Variants in ZNF608 observed in about 807,000 individuals in gnomAD.
The protein encoded by ZNF608 is renal carcinoma antigen NY-REN-36.
In ZNF608, 12 loss-of-function variants were observed where a neutral mutation model predicts 109.0. That is an observed-to-expected ratio of 0.11 (90% CI 0.07 to 0.18). The LOEUF (loss-of-function observed/expected upper bound fraction) is 0.18, where lower values mean the gene tolerates loss of function less well. Among genes scored for constraint, ZNF608 ranks in the 10% least tolerant of loss-of-function variants. The pLI, the probability that ZNF608 is intolerant of heterozygous loss-of-function variation, is 1.00. For missense variants in ZNF608, 1,707 were observed against 1,879.3 expected (o/e 0.91, Z 1.70); for synonymous variants, 732 against 717.4 (o/e 1.02, Z -0.33).
At chr5:124,691,871 G>A (rs1252079996) in intron 3 of ZNF608, among the ~76,000 whole-genome samples, 1 of 151,946 alleles carries the variant, frequency 6.6e-6, no homozygotes, top group African/African-American at 2.4e-5. Context: ...AGATAACTAA[G>A]TTCTAGAGAT....
chr5:124,677,879 G>A (rs557404451), intron 3 of ZNF608, among the ~76,000 whole-genome samples: 4 of 152,204 alleles, frequency 2.6e-5, no homozygotes, highest in Admixed American at 6.5e-5. Context: ...AGAAGGCCCC[G>A]AGCCAGAAAC....
At chr5:124,642,560 G>C (rs1430826448) in intron 7 of ZNF608, among the ~76,000 whole-genome samples, 1 of 152,122 alleles carries the variant, frequency 6.6e-6, no homozygotes, top group African/African-American at 2.4e-5. Flanking sequence ...TAACAACAAA[G>C]ATAAGTGATG....
At position 124,647,616 on chromosome 5, in the gene ZNF608, G is replaced by A; in HGVS notation, c.2768C>T (p.Thr923Ile). 6.2e-7 allele frequency: 1 copy of A among 1,614,194 alleles called. No individual in the cohort carries two copies. The highest frequency in any genetic ancestry group is 8.5e-7 in the Non-Finnish European group (1 of 1,180,034). The stretch of plus-strand genomic sequence containing the variant: ...AGCTGAACTCTCTGCCCCATTCTGG[G>A]TCAACACATGCAGAGGTGCCATTGG... ...QAPMAPLHVL[T>I]QNGAESSAAK... Residue 923 changes from threonine (T) to isoleucine (I), a missense_variant, in exon 5 of 10, where the codon ACC becomes ATC. Physicochemically the swap from Thr to Ile is moderately conservative, Grantham distance 89. This residue lies in a region of ZNF608 where 1,073 missense variants were observed against 1,133.5 expected (regional missense o/e 0.95). Coordinates refer to ENST00000513986, the MANE Select transcript of ZNF608 (RefSeq NM_020747.3).
At chr5:124,713,009 C>T (rs573081364) in intron 2 of ZNF608, among the ~76,000 whole-genome samples, 2 of 152,238 alleles carry the variant, frequency 1.3e-5, no homozygotes, top group Admixed American at 1.3e-4. Context: ...AGCTAAATAA[C>T]AAAAGTAATG....
upstream of ZNF608, chr5:124,746,873 G>C: frequency 1.3e-6 from 1 of 752,702 alleles, no homozygotes; most frequent in Non-Finnish European, 1.6e-6. Flanking sequence ...GAAAAAGAAA[G>C]GTGTGGAGGA....
chr5:124,655,691 C>T (rs576157186), intron 3 of ZNF608, among the ~76,000 whole-genome samples: 2 of 152,220 alleles, frequency 1.3e-5, no homozygotes, highest in African/African-American at 4.8e-5. Flanking sequence ...TTTTACACAA[C>T]GTGACTATTG....
At chr5:124,728,024 G>A (rs1397415016) in intron 2 of ZNF608, among the ~76,000 whole-genome samples, 2 of 152,106 alleles carry the variant, frequency 1.3e-5, no homozygotes, top group Non-Finnish European at 2.9e-5. Context: ...CAGGGGGTGA[G>A]CCACTGTGCC....
intron 3 of ZNF608, among the ~76,000 whole-genome samples, chr5:124,679,841 T>C (rs1478552826): frequency 6.6e-6 from 1 of 152,210 alleles, no homozygotes; most frequent in Admixed American, 6.5e-5. Flanking sequence ...CATGCATCTG[T>C]CCCTTGTAGA....
rs1299372013 is a variant in ZNF608, at chr5:124,647,151, A to T, written c.3233T>A (p.Leu1078His). The change falls in exon 5 of 10, where the codon CTT becomes CAT. Residue 1078 changes from leucine (L) to histidine (H), a missense_variant. Physicochemically the swap from Leu to His is moderately conservative, Grantham distance 99. Coordinates refer to ENST00000513986, the MANE Select transcript of ZNF608 (RefSeq NM_020747.3). ...TQRHPALAQSLYYGQYAYGLY... is the reference protein window; with the variant it reads ...TQRHPALAQSHYYGQYAYGLY... ...CCCATATGCATACTGGCCATAATAA[A>T]GTGACTGAGCCAGGGCAGGATGTCT... is the stretch of plus-strand genomic sequence containing the variant. The T allele has an allele frequency of 1.2e-6, 2 of 1,614,088 alleles. No individual in the cohort carries two copies. The highest frequency in any genetic ancestry group is 2.7e-5 in the African/African-American group (2 of 74,926).
At chr5:124,678,945 C>A (rs187302966) in intron 3 of ZNF608, among the ~76,000 whole-genome samples, 5 of 152,326 alleles carry the variant, frequency 3.3e-5, no homozygotes, top group Admixed American at 2.0e-4. Context: ...AGTAAACACC[C>A]CGGCCTTTCT....
At chr5:124,727,201 T>A (rs1489490351) in intron 2 of ZNF608, among the ~76,000 whole-genome samples, 1 of 152,174 alleles carries the variant, frequency 6.6e-6, no homozygotes, top group East Asian at 1.9e-4. Flanking sequence ...TGCCAGGATT[T>A]TCAATAGAAA....
At chr5:124,732,912 C>A (rs1432574379) in intron 2 of ZNF608, among the ~76,000 whole-genome samples, 1 of 152,096 alleles carries the variant, frequency 6.6e-6, no homozygotes. Flanking sequence ...GCTTCCTGAC[C>A]AGGGAGCACA....
chr5:124,708,382 C>T (rs1753346083), intron 2 of ZNF608, among the ~76,000 whole-genome samples: 1 of 152,188 alleles, frequency 6.6e-6, no homozygotes, highest in African/African-American at 2.4e-5. Context: ...CAGAATTTGA[C>T]CCCACATTGG....
intron 2 of ZNF608, among the ~76,000 whole-genome samples, chr5:124,733,806 C>A (rs2149895212): frequency 6.6e-6 from 1 of 152,210 alleles, no homozygotes; most frequent in African/African-American, 2.4e-5. Context: ...ACTCCGACTT[C>A]TTTTGTGGAA....
At chr5:124,684,483 T>G (rs1561558101) in intron 3 of ZNF608, among the ~76,000 whole-genome samples, 2 of 152,190 alleles carry the variant, frequency 1.3e-5, no homozygotes, top group Admixed American at 6.5e-5. Flanking sequence ...AACTTATCAA[T>G]CTTACCCATA....
intron 3 of ZNF608, among the ~76,000 whole-genome samples, chr5:124,657,170 C>T (rs566187202): frequency 6.6e-6 from 1 of 152,182 alleles, no homozygotes; most frequent in East Asian, 1.9e-4. Context: ...GTTAAGGAGT[C>T]TTGTGAGTAA....
chr5:124,647,859 G>A lies in ZNF608; in HGVS notation c.2525C>T (p.Ser842Phe), dbSNP rs1425622215. ...MDAKLGKLED[S>F]KGASKDLPGH... is the part of the protein sequence containing the mutation. Reference sequence around the variant, plus strand: ...AGGTAAATCTTTGCTGGCCCCCTTGGAGTCCTCTAGTTTCCCCAGCTTGGC... The same window carrying A: ...AGGTAAATCTTTGCTGGCCCCCTTGAAGTCCTCTAGTTTCCCCAGCTTGGC... The change falls in exon 5 of 10, where the codon TCC (serine) becomes TTC (phenylalanine). Residue 842 changes from serine (S) to phenylalanine (F), a missense_variant. Physicochemically the swap from Ser to Phe is radical, Grantham distance 155. Coordinates refer to ENST00000513986, the MANE Select transcript of ZNF608 (RefSeq NM_020747.3). The A allele has an allele frequency of 6.2e-7, 1 of 1,614,184 alleles. No homozygotes were observed. The highest frequency in any genetic ancestry group is 1.3e-5 in the African/African-American group (1 of 75,040).
intron 1 of ZNF608, 79 bp from the exon 2 acceptor site, chr5:124,745,251 A>G: frequency 4.8e-6 from 6 of 1,247,988 alleles, no homozygotes; most frequent in Non-Finnish European, 6.1e-6. Context: ...TTGGGGAATC[A>G]GTAAAGGGGA....
intron 3 of ZNF608, among the ~76,000 whole-genome samples, chr5:124,654,501 C>A (rs1750925102): frequency 6.6e-6 from 1 of 152,234 alleles, no homozygotes; most frequent in Non-Finnish European, 1.5e-5. Context: ...TTCTGTGAAT[C>A]CTTGCCCTAG....
Sources: gnomAD v4.1 joint callset for allele counts (sites outside exome capture counted in the v4.1 genomes callset) on GRCh38, gnomAD v4.1.1 for gene constraint, gnomAD v4.1.1 regional missense constraint, MANE v1.5 for transcripts, NCBI Gene and HGNC (gene_info 2026-07-23, HGNC 2026-07-21) for gene names.